ADGRL2: variants seen among roughly 807,000 people sequenced by gnomAD.
ADGRL2 encodes the protein adhesion G protein-coupled receptor L2.
A neutral mutation model predicts 157.4 loss-of-function variants in ADGRL2; 44 were observed. That is an observed-to-expected ratio of 0.28 (90% CI 0.22 to 0.36). The LOEUF (loss-of-function observed/expected upper bound fraction) is 0.36, where lower values mean the gene tolerates loss of function less well. Ranked by LOEUF, ADGRL2 falls within the 10% of genes least tolerant of loss-of-function variation. The probability of loss-of-function intolerance (pLI) is 1.00; values close to 1 mark genes in which losing one functional copy is unlikely to be tolerated. For synonymous variants in ADGRL2, 585 were observed against 624.7 expected (o/e 0.94, Z 0.95); for missense variants, 1,510 against 1,768.9 (o/e 0.85, Z 2.63).
intron 1 of ADGRL2, among the ~76,000 whole-genome samples, chr1:81,422,992 T>C (rs1050753139): frequency 6.6e-6 from 1 of 152,198 alleles, no homozygotes; most frequent in Non-Finnish European, 1.5e-5. Context: ...TTGCAGCTAC[T>C]CATTCCATGT....
intron 1 of ADGRL2, among the ~76,000 whole-genome samples, chr1:81,426,117 A>G (rs1453070921): frequency 5.9e-5 from 9 of 152,314 alleles, no homozygotes; most frequent in African/African-American, 2.2e-4. Flanking sequence ...GCGTATTTTT[A>G]TGGACAAGTT....
At chr1:81,315,091 T>G (rs1660013578) in intron 1 of ADGRL2, among the ~76,000 whole-genome samples, 1 of 152,180 alleles carries the variant, frequency 6.6e-6, no homozygotes, top group South Asian at 2.1e-4. Flanking sequence ...TATGCACATC[T>G]TTAGTTTGAT....
intron 11 of ADGRL2, among the ~76,000 whole-genome samples, chr1:81,957,563 C>A (rs1653933738): frequency 6.6e-6 from 1 of 151,980 alleles, no homozygotes; most frequent in Non-Finnish European, 1.5e-5. Flanking sequence ...AAAAAAATAG[C>A]TGGACATGGT....
At chr1:81,362,095 T>C (rs886847146) in intron 1 of ADGRL2, among the ~76,000 whole-genome samples, 1 of 151,948 alleles carries the variant, frequency 6.6e-6, no homozygotes, top group Non-Finnish European at 1.5e-5. Context: ...AAATATTAGA[T>C]AGCATTTATT....
chr1:81,612,510 T>C (rs569092202), intron 3 of ADGRL2, among the ~76,000 whole-genome samples: 2 of 152,300 alleles, frequency 1.3e-5, no homozygotes, highest in East Asian at 3.9e-4. Context: ...TTAAAGAGAA[T>C]GGCTCAGTCA....
chr1:81,570,471 C>A (rs558385120), intron 2 of ADGRL2, among the ~76,000 whole-genome samples: 1 of 152,096 alleles, frequency 6.6e-6, no homozygotes, highest in African/African-American at 2.4e-5. Context: ...TCACTGCAAC[C>A]GCTGCCTCCC....
At chr1:81,518,818 T>C (rs894483621) in intron 2 of ADGRL2, among the ~76,000 whole-genome samples, 4 of 152,064 alleles carry the variant, frequency 2.6e-5, no homozygotes, top group Non-Finnish European at 4.4e-5. Flanking sequence ...AAAAAGGTAT[T>C]TATCTCTTTA....
chr1:81,311,498 C>G (rs114796050), intron 1 of ADGRL2, among the ~76,000 whole-genome samples: 4,126 of 152,170 alleles, frequency 0.027, 95 homozygotes, highest in Middle Eastern at 0.092. Flanking sequence ...AATCTGTGTC[C>G]TTCACAGTCC....
chr1:81,614,870 C>T (rs2148682939), intron 3 of ADGRL2, among the ~76,000 whole-genome samples: 2 of 151,420 alleles, frequency 1.3e-5, no homozygotes, highest in East Asian at 1.9e-4. Flanking sequence ...AAAAATTAGC[C>T]AGGCATGGGG....
In ADGRL2 at chr1:81,895,739, T is replaced by G. The variant is rs1197442358; in HGVS notation, c.74-11278T>G. On this transcript the variant is annotated intron_variant, in intron 2 of 23. Coordinates refer to ENST00000686636, the MANE Select transcript of ADGRL2 (RefSeq NM_001366006.2). Reference sequence around the variant, plus strand: ...AGGAAATTTTGGTTAAGAGTTTTTTTTGTGTTAGTGCTTTAAAAAAATTGC... The same window carrying G: ...AGGAAATTTTGGTTAAGAGTTTTTTGTGTGTTAGTGCTTTAAAAAAATTGC... 2.0e-5 allele frequency among the ~76,000 whole-genome samples: 3 copies of G among 152,140 alleles called. No individual in the cohort carries two copies. The East Asian group carries it at 5.8e-4, about 29-fold the overall frequency.
chr1:81,909,150 A>G (rs1174239914), intron 3 of ADGRL2, among the ~76,000 whole-genome samples: 1 of 152,176 alleles, frequency 6.6e-6, no homozygotes, highest in Non-Finnish European at 1.5e-5. Flanking sequence ...TGCTAGGATT[A>G]CAGATGTGAG....
At chr1:81,523,401 T>G (rs1292191658) in intron 2 of ADGRL2, among the ~76,000 whole-genome samples, 3 of 151,988 alleles carry the variant, frequency 2.0e-5, no homozygotes, top group Admixed American at 2.0e-4. Context: ...ATTAAAGTAT[T>G]ATAATATTGG....
At chr1:81,557,484 A>AAG (rs1491088924) in intron 2 of ADGRL2, 1 of 83,530 alleles carries the variant, frequency 1.2e-5, no homozygotes, top group Non-Finnish European at 2.2e-5. Context: ...GAAAGAAAGA[A>AAG]GAAAGAAAGA....
intron 1 of ADGRL2, among the ~76,000 whole-genome samples, chr1:81,804,676 G>T (rs957594834): frequency 1.3e-5 from 2 of 152,220 alleles, no homozygotes; most frequent in Admixed American, 1.3e-4. Flanking sequence ...TAGAAAAAGA[G>T]TGACCTTTTG....
intron 1 of ADGRL2, among the ~76,000 whole-genome samples, chr1:81,364,717 C>T (rs564806074): frequency 1.7e-3 from 241 of 140,022 alleles, no homozygotes; most frequent in African/African-American, 5.7e-3. Flanking sequence ...TTTTTTTTTT[C>T]GAGACAGAGT....
chr1:81,697,905 G>A (rs2083477639), upstream of ADGRL2, among the ~76,000 whole-genome samples: 1 of 152,182 alleles, frequency 6.6e-6, no homozygotes, highest in African/African-American at 2.4e-5. Flanking sequence ...AACAAGGCAG[G>A]CATCAGTACC....
chr1:81,700,713 G>C (rs1570880125), intron 1 of ADGRL2, among the ~76,000 whole-genome samples: 1 of 152,286 alleles, frequency 6.6e-6, no homozygotes, highest in East Asian at 1.9e-4. Flanking sequence ...CTCCAGAAGG[G>C]GGAAAGATAG....
chr1:81,761,195 G>T (rs2085869662), intron 1 of ADGRL2, among the ~76,000 whole-genome samples: 1 of 151,720 alleles, frequency 6.6e-6, no homozygotes, highest in African/African-American at 2.4e-5. Context: ...TGATTCCAAA[G>T]ATATCTTAAC....
intron 1 of ADGRL2, among the ~76,000 whole-genome samples, chr1:81,823,571 T>C (rs913665840): frequency 1.3e-5 from 2 of 152,144 alleles, no homozygotes; most frequent in African/African-American, 4.8e-5. Flanking sequence ...ATCATAACTG[T>C]GTTCAGTTAG....
Sources: allele counts gnomAD v4.1 joint callset (sites outside exome capture counted in the v4.1 genomes callset), GRCh38; gene constraint gnomAD v4.1.1; transcripts MANE v1.5; gene names NCBI Gene and HGNC (gene_info 2026-07-23, HGNC 2026-07-21).